Variants in USP22 observed in about 807,000 individuals in gnomAD.
The protein encoded by USP22 is ubiquitin carboxyl-terminal hydrolase 22.
A neutral mutation model predicts 68.1 loss-of-function variants in USP22; 22 were observed. That is an observed-to-expected ratio of 0.32 (90% CI 0.23 to 0.46). The LOEUF (loss-of-function observed/expected upper bound fraction) is 0.46, where lower values mean the gene tolerates loss of function less well. Among genes scored for constraint, USP22 ranks in the 20% least tolerant of loss-of-function variants. The pLI, the probability that USP22 is intolerant of heterozygous loss-of-function variation, is 1.00. For missense variants in USP22, 433 were observed against 695.8 expected, an observed-to-expected ratio of 0.62 and a Z score of 4.25; for synonymous variants, 279 against 274.2, an observed-to-expected ratio of 1.02 and a Z score of -0.17.
intron 6 of USP22, among the ~76,000 whole-genome samples, chr17:21,013,591 C>T (rs532330473): frequency 9.2e-5 from 14 of 152,312 alleles, no homozygotes; most frequent in African/African-American, 3.1e-4. Flanking sequence ...GGGGACAGGG[C>T]ACGAGGACAC....
intron 1 of USP22, among the ~76,000 whole-genome samples, chr17:21,041,043 C>G (rs1339130996): frequency 6.6e-6 from 1 of 151,986 alleles, no homozygotes; most frequent in Non-Finnish European, 1.5e-5. Flanking sequence ...CGCCATCACA[C>G]CCGGCTACTT....
At chr17:21,012,809 A>C in intron 7 of USP22, 21 bp downstream of exon 7, 1 of 1,608,834 alleles carries the variant, frequency 6.2e-7, no homozygotes, top group Non-Finnish European at 8.5e-7. Flanking sequence ...GATATTGCCG[A>C]GCACGCAGCC....
At chr17:21,004,154 A>C in intron 12 of USP22, 48 bp downstream of exon 12, 3 of 1,598,654 alleles carry the variant, frequency 1.9e-6, no homozygotes, top group Non-Finnish European at 2.6e-6. Flanking sequence ...ACCGGAGGGG[A>C]AGCACCGTAG....
intron 2 of USP22, among the ~76,000 whole-genome samples, chr17:21,024,618 T>C (rs9902303): frequency 0.75 from 113,485 of 152,066 alleles, 42,818 homozygotes; most frequent in South Asian, 0.82. Flanking sequence ...CTTCATGACC[T>C]CGGATTTGGT....
chr17:21,002,726 G>GC lies in USP22; in HGVS notation c.*304dup. The GC allele has an allele frequency of 5.4e-6, 2 of 373,456 alleles. No individual in the cohort carries two copies. The highest frequency in any genetic ancestry group is 3.8e-5 in the Admixed American group (1 of 26,150). The allele number at this position is 373,456 out of a possible 1,614,324, so 23.1% of individuals were successfully genotyped here. On this transcript the variant is annotated 3_prime_UTR_variant, in exon 13 of 13. Coordinates refer to ENST00000261497, the MANE Select transcript of USP22 (RefSeq NM_015276.2). ...GGCAGCGGTCACTCTGTGCTGTGAG[G>GC]CCCCCGTTGCACCCCCATGTCATGA... is the stretch of plus-strand genomic sequence containing the variant.
chr17:21,042,561 GCA>G (rs10579510), intron 1 of USP22, 102 bp downstream of exon 1: 284,972 of 1,154,454 alleles, frequency 0.25, 37,501 homozygotes, highest in South Asian at 0.29. Flanking sequence ...ACAGGGAAAG[GCA>G]ACGGGGGAAG....
At chr17:21,011,362 A>T in intron 7 of USP22, 53 bp from the exon 8 acceptor site, 1 of 1,547,778 alleles carries the variant, frequency 6.5e-7, no homozygotes, top group Non-Finnish European at 8.7e-7. Context: ...ACCCAGCTCC[A>T]GAGGCAACCC....
chr17:21,004,428 G>C, intron 11 of USP22, 77 bp from the exon 12 acceptor site: 2 of 1,565,994 alleles, frequency 1.3e-6, no homozygotes, highest in East Asian at 2.3e-5. Context: ...TCAGAAACCA[G>C]GCAGCCCAGG....
chr17:21,037,880 A>C (rs1972376703), intron 1 of USP22, among the ~76,000 whole-genome samples: 1 of 152,196 alleles, frequency 6.6e-6, no homozygotes, highest in African/African-American at 2.4e-5. Flanking sequence ...CCATTTCTGC[A>C]AGAAGTTACC....
Position 21,042,891 on chromosome 17 carries a change from G to T in USP22, c.-56C>A. On this transcript the variant is annotated 5_prime_UTR_variant, in exon 1 of 13. Transcript: ENST00000261497. ...CGGCGGCGAGGGAGGCGAGGACGAC[G>T]CCAGCGCGGCGTGGGGGCTGCTCGG... 8.6e-7 allele frequency: 1 copy of T among 1,165,832 alleles called. No homozygotes were observed. The highest frequency in any genetic ancestry group is 1.1e-6 in the Non-Finnish European group (1 of 930,728). 72.2% of individuals were successfully genotyped at this position (1,165,832 alleles called of 1,614,324 possible).
At chr17:21,041,808 C>G (rs1189108562) in intron 1 of USP22, among the ~76,000 whole-genome samples, 1 of 152,216 alleles carries the variant, frequency 6.6e-6, no homozygotes, top group African/African-American at 2.4e-5. Flanking sequence ...ATTTCCAAAC[C>G]CTTACCAAGC....
At chr17:21,035,016 A>G (rs1466330350) in intron 1 of USP22, among the ~76,000 whole-genome samples, 1 of 152,196 alleles carries the variant, frequency 6.6e-6, no homozygotes, top group Admixed American at 6.5e-5. Context: ...CTCTATTATC[A>G]TAAACAGGAA....
rs563285879 is a variant in USP22, at chr17:21,012,916, C to G, written c.858G>C (p.Lys286Asn). The change falls in exon 7 of 13, where the codon AAG (lysine) becomes AAC (asparagine). Residue 286 changes from lysine to asparagine, a missense_variant. Lys to Asn is a moderately conservative substitution (Grantham distance 94, BLOSUM62 0). Around this residue, in one of 4 missense-constraint regions of USP22, gnomAD observed 178 missense variants for 351.5 expected, o/e 0.51. Transcript: ENST00000261497. The stretch of plus-strand genomic sequence containing the variant: ...AGTTGCAGTGGTTGGGGTTGTTGGC[C>G]TTCTTCCCATTGTCATCACCTGGAG... ...RHCKGDDNGK[K>N]ANNPNHCNCI... The G allele has an allele frequency of 1.9e-5, 31 of 1,613,862 alleles. No individual in the cohort carries two copies. The highest frequency in any genetic ancestry group is 2.5e-5 in the Non-Finnish European group (30 of 1,180,022).
chr17:21,020,244 C>CAAAAAAAAAAACAAA (rs1972136476), intron 3 of USP22, among the ~76,000 whole-genome samples: 1 of 73,252 alleles, frequency 1.4e-5, no homozygotes, highest in African/African-American at 5.2e-5. Flanking sequence ...AATCAAAAAC[C>CAAAAAAAAAAACAAA]AAAAAAAAAA....
intron 2 of USP22, among the ~76,000 whole-genome samples, chr17:21,022,142 A>G (rs964005558): frequency 8.5e-5 from 13 of 152,142 alleles, no homozygotes; most frequent in African/African-American, 2.9e-4. Flanking sequence ...TAATACTAGT[A>G]TATTCTTTTC....
At chr17:21,028,702 ACG>A (rs775371088) in intron 1 of USP22, 28 bp from the exon 2 acceptor site, 6 of 1,610,482 alleles carry the variant, frequency 3.7e-6, no homozygotes, top group Non-Finnish European at 5.1e-6. Flanking sequence ...GGAGGAGTGA[ACG>A]CTGTGTGATA....
At chr17:21,040,900 T>TA (rs938393990) in intron 1 of USP22, among the ~76,000 whole-genome samples, 7 of 151,378 alleles carry the variant, frequency 4.6e-5, no homozygotes, top group Non-Finnish European at 1.0e-4. Flanking sequence ...TTTTTTTTTT[T>TA]TCCGGAGGGG....
intron 12 of USP22, among the ~76,000 whole-genome samples, chr17:21,003,754 G>T (rs1194882511): frequency 2.0e-5 from 3 of 151,870 alleles, no homozygotes; most frequent in Non-Finnish European, 1.5e-5. Flanking sequence ...TACAAAAGTA[G>T]GCAGGCGTGA....
chr17:21,040,654 T>G (rs1353599658), intron 1 of USP22, among the ~76,000 whole-genome samples: 1 of 151,288 alleles, frequency 6.6e-6, no homozygotes, highest in South Asian at 2.1e-4. Context: ...AGTTAGTTAA[T>G]GATGGTTTAA....
Sources: allele counts gnomAD v4.1 joint callset (sites outside exome capture counted in the v4.1 genomes callset), GRCh38; gene constraint gnomAD v4.1.1; regional missense constraint gnomAD v4.1.1; transcripts MANE v1.5; gene names NCBI Gene and HGNC (gene_info 2026-07-23, HGNC 2026-07-21).